Variants in SEMA6D observed in about 807,000 individuals in gnomAD.
SEMA6D encodes semaphorin-6D.
SEMA6D carries 35 observed loss-of-function variants against 106.6 expected under a neutral mutation model. That is an observed-to-expected ratio of 0.33 (90% CI 0.25 to 0.44). The LOEUF is 0.44. SEMA6D is among the 20% of genes least tolerant of loss of function. The probability of loss-of-function intolerance (pLI) is 1.00; values close to 1 mark genes in which losing one functional copy is unlikely to be tolerated. For missense variants in SEMA6D, 1,185 were observed against 1,345.9 expected (o/e 0.88, Z 1.87); for synonymous variants, 499 against 487.7 (o/e 1.02, Z -0.31).
chr15:47,460,256 T>C (rs1274119422), intron 2 of SEMA6D, among the ~76,000 whole-genome samples: 5 of 152,086 alleles, frequency 3.3e-5, no homozygotes, highest in Non-Finnish European at 7.4e-5. Context: ...GGAGTCAGTC[T>C]CATTACTGCT....
At chr15:47,613,800 G>A (rs1323818021) in intron 4 of SEMA6D, among the ~76,000 whole-genome samples, 3 of 151,954 alleles carry the variant, frequency 2.0e-5, no homozygotes, top group Non-Finnish European at 4.4e-5. Flanking sequence ...GATTACAGGC[G>A]CCCGCCACCA....
In SEMA6D at chr15:47,366,445, A is replaced by G. The variant is rs147718388; in HGVS notation, c.-238-45948A>G. ...ACATAGTAAGAGTTCGGAGATGAGG[A>G]TATAGTCCCTGCCTGTTAAAAAGTA... is the stretch of plus-strand genomic sequence containing the variant. On this transcript the variant is annotated intron_variant, in intron 1 of 19. Coordinates refer to the SEMA6D transcript ENST00000558014. Among the ~76,000 whole-genome samples the G allele has an allele frequency of 9.8e-5, 15 of 152,334 alleles. No homozygotes were observed. The East Asian group carries it at 2.9e-3, about 29-fold the overall frequency.
At position 47,759,851 on chromosome 15, in the gene SEMA6D, T is replaced by C; in HGVS notation, c.53T>C (p.Leu18Ser). ...AYILLLMVSQ[L>S]RAVSFPEDDE... The stretch of plus-strand genomic sequence containing the variant: ...ATACTGCTGCTGATGGTTTCCCAGT[T>C]GAGGGCAGTCAGCTTTCCTGAAGAT... Residue 18 changes from leucine (L) to serine (S), a missense_variant, in exon 2 of 19, where the codon TTG becomes TCG. Physicochemically the swap from Leu to Ser is moderately radical, Grantham distance 145. Transcript: ENST00000536845. 1 of 1,613,822 alleles carries C rather than the reference T, an allele frequency of 6.2e-7. No individual in the cohort carries two copies. Among genetic ancestry groups the C allele is most frequent in the Non-Finnish European group, 8.5e-7 (1 of 1,179,758 alleles).
At chr15:47,456,190 AC>A (rs974397229) in intron 2 of SEMA6D, among the ~76,000 whole-genome samples, 1 of 151,852 alleles carries the variant, frequency 6.6e-6, no homozygotes, top group Non-Finnish European at 1.5e-5. Context: ...TCTATGACTT[AC>A]CCCCAAAATT....
intron 1 of SEMA6D, among the ~76,000 whole-genome samples, chr15:47,203,408 A>G (rs937365326): frequency 6.6e-6 from 1 of 152,320 alleles, no homozygotes; most frequent in East Asian, 1.9e-4. Context: ...CTGGAAGTCC[A>G]TCACCACACC....
rs528707606 is a variant in SEMA6D at position 47,544,821 on chromosome 15, T to C, written c.-86-56044T>C. ...TGGGGGGACTCGTATTTTTTGGGGG[T>C]AGCCTTCAATACAATTATAGCCTAA... On this transcript the variant is annotated intron_variant, in intron 3 of 19. Transcript: ENST00000558014. 2.4e-4 allele frequency among the ~76,000 whole-genome samples: 37 copies of C among 151,346 alleles called. 1 individual carries two copies. The highest frequency in any genetic ancestry group is 2.3e-3 in the South Asian group (11 of 4,764).
intron 4 of SEMA6D, among the ~76,000 whole-genome samples, chr15:47,690,928 G>T (rs189995613): frequency 6.6e-6 from 1 of 151,994 alleles, no homozygotes; most frequent in Admixed American, 6.6e-5. Flanking sequence ...GTTTCATGTC[G>T]CCTTAGTCTC....
At chr15:47,631,471 G>C (rs932082678) in intron 4 of SEMA6D, among the ~76,000 whole-genome samples, 1 of 151,386 alleles carries the variant, frequency 6.6e-6, no homozygotes, top group Admixed American at 6.6e-5. Flanking sequence ...AAAAATGAAA[G>C]AAAAAGGAAA....
At chr15:47,271,395 C>G (rs2034558267) in intron 1 of SEMA6D, among the ~76,000 whole-genome samples, 1 of 152,122 alleles carries the variant, frequency 6.6e-6, no homozygotes, top group African/African-American at 2.4e-5. Flanking sequence ...TGGTCACTGG[C>G]AGTTAGCTGT....
chr15:47,440,025 A>T (rs1042087711), intron 2 of SEMA6D, among the ~76,000 whole-genome samples: 2 of 152,168 alleles, frequency 1.3e-5, no homozygotes, highest in African/African-American at 4.8e-5. Flanking sequence ...GGAAGGTTAC[A>T]TAAAAGCAAG....
intron 1 of SEMA6D, among the ~76,000 whole-genome samples, chr15:47,300,337 T>A (rs149214249): frequency 6.6e-6 from 1 of 151,790 alleles, no homozygotes; most frequent in Non-Finnish European, 1.5e-5. Context: ...AAATGGAGAG[T>A]TTTACCCATT....
intron 4 of SEMA6D, among the ~76,000 whole-genome samples, chr15:47,658,702 A>C (rs2077854707): frequency 6.6e-6 from 1 of 152,170 alleles, no homozygotes; most frequent in African/African-American, 2.4e-5. Flanking sequence ...GCAATTGTTC[A>C]TCACATTAGT....
At chr15:47,435,355 C>T (rs1189312200) in intron 2 of SEMA6D, among the ~76,000 whole-genome samples, 3 of 152,110 alleles carry the variant, frequency 2.0e-5, no homozygotes, top group Non-Finnish European at 4.4e-5. Context: ...TAGGTTCTCA[C>T]TCTACTCTGT....
intron 1 of SEMA6D, among the ~76,000 whole-genome samples, chr15:47,192,255 ACACT>A (rs1894015114): frequency 6.6e-6 from 1 of 152,130 alleles, no homozygotes; most frequent in South Asian, 2.1e-4. Context: ...ACTTCCATTG[ACACT>A]CACTGCCACA....
intron 1 of SEMA6D, among the ~76,000 whole-genome samples, chr15:47,741,946 G>A (rs951730872): frequency 3.3e-5 from 5 of 152,156 alleles, no homozygotes; most frequent in Admixed American, 6.5e-5. Context: ...AGTGTCCTGC[G>A]AGGAGAGCAG....
intron 3 of SEMA6D, among the ~76,000 whole-genome samples, chr15:47,534,908 C>T (rs965787762): frequency 6.6e-6 from 1 of 151,944 alleles, no homozygotes; most frequent in African/African-American, 2.4e-5. Context: ...TATATAAACA[C>T]TAGTCTATGC....
intron 1 of SEMA6D, among the ~76,000 whole-genome samples, chr15:47,746,260 G>A (rs1030586461): frequency 2.0e-5 from 3 of 152,144 alleles, no homozygotes; most frequent in Non-Finnish European, 4.4e-5. Context: ...CTCTGATGAG[G>A]CACTTTGCAG....
At chr15:47,602,331 T>C (rs1301128094) in intron 4 of SEMA6D, among the ~76,000 whole-genome samples, 1 of 152,158 alleles carries the variant, frequency 6.6e-6, no homozygotes, top group Non-Finnish European at 1.5e-5. Flanking sequence ...GTAATTACAA[T>C]TGTCACCGTC....
intron 3 of SEMA6D, among the ~76,000 whole-genome samples, chr15:47,515,122 T>C (rs2044348579): frequency 6.6e-6 from 1 of 152,220 alleles, no homozygotes; most frequent in Non-Finnish European, 1.5e-5. Flanking sequence ...GGCTTTTTCA[T>C]TGGCTGTTCC....
Sources: gnomAD v4.1 joint callset for allele counts (sites outside exome capture counted in the v4.1 genomes callset) on GRCh38, gnomAD v4.1.1 for gene constraint, MANE v1.5 for transcripts, NCBI Gene and HGNC (gene_info 2026-07-23, HGNC 2026-07-21) for gene names.